MFSD8: variants seen among roughly 807,000 people sequenced by gnomAD.
MFSD8 encodes the protein major facilitator superfamily domain containing 8, also known as major facilitator superfamily domain-containing protein 8.
Under a neutral mutation model 66.4 loss-of-function variants are expected in MFSD8, and 55 were observed. That is an observed-to-expected ratio of 0.83 (90% CI 0.67 to 1.04). MFSD8 has a LOEUF of 1.04. MFSD8 is among the 50% of genes least tolerant of loss of function. The pLI is 0.00. For synonymous variants in MFSD8, 202 were observed against 212.8 expected (o/e 0.95, Z 0.44); for missense variants, 550 against 627.6 (o/e 0.88, Z 1.32).
chr4:127,957,623 A>C (rs778155279), intron 1 of MFSD8, 31 bp from the exon 2 acceptor site: 8 of 1,410,620 alleles, frequency 5.7e-6, no homozygotes. Flanking sequence ...AGTAGTATAA[A>C]TTTATCTCAT....
Position 127,952,522 on chromosome 4 carries a change from G to A in MFSD8, c.155-2675C>T, listed in dbSNP as rs114605875. Reference sequence around the variant, plus strand: ...GCACCAATTAATCTTTTAAATCAAGGCTACAATTTTGGAGTACAGAAATTT... The same window carrying A: ...GCACCAATTAATCTTTTAAATCAAGACTACAATTTTGGAGTACAGAAATTT... On this transcript the variant is annotated intron_variant, in intron 2 of 11. Coordinates refer to ENST00000641686, the MANE Select transcript of MFSD8 (RefSeq NM_001371596.2). 5.6e-3 allele frequency among the ~76,000 whole-genome samples: 857 copies of A among 152,066 alleles called. 11 individuals are homozygous for A. The highest frequency in any genetic ancestry group is 0.02 in the African/African-American group (829 of 41,470).
At chr4:127,951,070 G>GA (rs958641113) in intron 2 of MFSD8, among the ~76,000 whole-genome samples, 5 of 149,816 alleles carry the variant, frequency 3.3e-5, no homozygotes, top group Non-Finnish European at 7.4e-5. Context: ...AAAAAAAAAG[G>GA]AAAAAAAAGA....
intron 2 of MFSD8, among the ~76,000 whole-genome samples, chr4:127,955,934 C>A (rs1291802428): frequency 2.7e-5 from 4 of 150,714 alleles, no homozygotes; most frequent in Admixed American, 1.3e-4. Context: ...CTGGCTAACG[C>A]CGTGAAACCC....
At chr4:127,940,724 T>G (rs1740046837) in intron 5 of MFSD8, among the ~76,000 whole-genome samples, 1 of 151,886 alleles carries the variant, frequency 6.6e-6, no homozygotes, top group Non-Finnish European at 1.5e-5. Context: ...TAAAGAAATA[T>G]GAAGTGGCAA....
intron 7 of MFSD8, chr4:127,933,360 C>T: frequency 6.8e-6 from 2 of 294,068 alleles, no homozygotes; most frequent in Non-Finnish European, 1.3e-5. Context: ...ATCCTCCTAC[C>T]TCAGCCTCCC....
intron 4 of MFSD8, 84 bp downstream of exon 4, chr4:127,943,668 G>C (rs1740569089): frequency 6.6e-7 from 1 of 1,504,348 alleles, no homozygotes; most frequent in Admixed American, 1.7e-5. Context: ...GAGTTTAAAA[G>C]GGGATGAGAC....
At chr4:127,952,135 G>C (rs1036765898) in intron 2 of MFSD8, among the ~76,000 whole-genome samples, 4 of 152,136 alleles carry the variant, frequency 2.6e-5, no homozygotes, top group African/African-American at 9.6e-5. Context: ...GCCAGGCACG[G>C]TGGCTCATGC....
At chr4:127,965,242 C>G, upstream of MFSD8, 1 of 1,399,658 alleles carries the variant, frequency 7.1e-7, no homozygotes, top group Non-Finnish European at 1.0e-6. Flanking sequence ...CGCGTGCGCA[C>G]CTGACGGTCA....
At chr4:127,964,978 A>T in intron 1 of MFSD8, 94 bp downstream of exon 1, 2 of 1,454,964 alleles carry the variant, frequency 1.4e-6, no homozygotes, top group South Asian at 2.4e-5. Flanking sequence ...CCCCTCTGGC[A>T]GCGAGGGTTT....
chr4:127,961,820 C>CAA lies in MFSD8; in HGVS notation c.62+3250_62+3251dup, dbSNP rs4000711. Among the ~76,000 whole-genome samples the CAA allele has an allele frequency of 7.1e-3, 562 of 79,516 alleles. 12 individuals are homozygous for CAA. Among genetic ancestry groups the CAA allele is most frequent in the South Asian group, 0.022 (47 of 2,172 alleles). The allele number at this position is 79,516 out of a possible 152,430, so 52.2% of individuals were successfully genotyped here. ...TGGGTGACAGAGCGAGACTCCGTCTCAAAAAAAAAAAAAAAAAAAAAGAAT... is the reference window on the plus strand; with the variant it reads ...TGGGTGACAGAGCGAGACTCCGTCTCAAAAAAAAAAAAAAAAAAAAAAAGAAT... On this transcript the variant is annotated intron_variant, in intron 1 of 11. Coordinates refer to ENST00000641686, the MANE Select transcript of MFSD8 (RefSeq NM_001371596.2).
At chr4:127,963,413 T>G (rs1263832223) in intron 1 of MFSD8, among the ~76,000 whole-genome samples, 1 of 152,246 alleles carries the variant, frequency 6.6e-6, no homozygotes, top group Non-Finnish European at 1.5e-5. Context: ...TTGGTCTCAC[T>G]GACTTCAAGA....
Position 127,921,557 on chromosome 4 carries a change from A to C in MFSD8, c.1317T>G (p.Thr439=). The change falls in exon 11 of 12, where the codon ACT becomes ACG. Residue 439 remains threonine (T), a synonymous_variant. Transcript: ENST00000641686. ...TTGGTCCTAGAATTTTTGAATATAG[A>C]GTATAGGACATAAGATTGCAGACTG... ...GYPVCNLMSY[T]LYSKILGPKP... 6.2e-7 allele frequency: 1 copy of C among 1,614,198 alleles called. No homozygotes were observed. Among genetic ancestry groups the C allele is most frequent in the South Asian group, 1.1e-5 (1 of 91,086 alleles).
At chr4:127,930,583 A>G in intron 9 of MFSD8, 100 bp downstream of exon 9, 1 of 1,326,700 alleles carries the variant, frequency 7.5e-7, no homozygotes. Context: ...TGCAAAAAAA[A>G]GCTTTAAATT....
At position 127,943,735 on chromosome 4, in the gene MFSD8, T is replaced by C. The variant is rs1456103948; in HGVS notation, c.439+17A>G. On this transcript the variant is annotated intron_variant, in intron 4 of 11. Transcript: ENST00000641686. ...AATGTGAATATGACACAACCAAACA[T>C]ATACATACAACCTTACCTGCTCCAA... 1.6e-5 allele frequency: 26 copies of C among 1,613,944 alleles called. No homozygotes were observed. The highest frequency in any genetic ancestry group is 2.1e-5 in the Non-Finnish European group (25 of 1,179,948).
At chr4:127,933,133 C>T (rs373923774) in intron 7 of MFSD8, 40 bp from the exon 8 acceptor site, 2 of 1,470,652 alleles carry the variant, frequency 1.4e-6, no homozygotes, top group African/African-American at 2.8e-5. Context: ...ACCTATACAT[C>T]TAATTTTTCT....
At chr4:127,950,409 G>A (rs190475504) in intron 2 of MFSD8, among the ~76,000 whole-genome samples, 11 of 152,296 alleles carry the variant, frequency 7.2e-5, no homozygotes, top group Admixed American at 2.6e-4. Flanking sequence ...TTAGGCAAAT[G>A]CAGCCAGCAG....
At chr4:127,949,363 A>G (rs767703545) in intron 3 of MFSD8, among the ~76,000 whole-genome samples, 2 of 152,210 alleles carry the variant, frequency 1.3e-5, no homozygotes, top group African/African-American at 2.4e-5. Flanking sequence ...CAAAAAATAC[A>G]TATGTTCTAG....
At chr4:127,933,818 T>G (rs962383490) in intron 7 of MFSD8, 7 of 152,188 alleles carry the variant, frequency 4.6e-5, no homozygotes, top group African/African-American at 1.7e-4. Flanking sequence ...CATGAAGAAC[T>G]CCAGTGGTTT....
intron 2 of MFSD8, among the ~76,000 whole-genome samples, chr4:127,955,564 G>A (rs919907373): frequency 2.0e-5 from 3 of 147,970 alleles, no homozygotes; most frequent in Admixed American, 6.9e-5. Flanking sequence ...AAAAAATGTG[G>A]TATATACTGA....
Sources: gnomAD v4.1 joint callset for allele counts (sites outside exome capture counted in the v4.1 genomes callset) on GRCh38, gnomAD v4.1.1 for gene constraint, MANE v1.5 for transcripts, NCBI Gene and HGNC (gene_info 2026-07-23, HGNC 2026-07-21) for gene names.